RAB31: variants seen among roughly 807,000 people sequenced by gnomAD.
RAB31 encodes ras-related protein Rab-31.
In RAB31, 21 loss-of-function variants were observed where a neutral mutation model predicts 25.6. The ratio of observed to expected loss-of-function variants is 0.82; its 90% confidence interval spans 0.58 to 1.18. The LOEUF (loss-of-function observed/expected upper bound fraction) is 1.18. Ranked by LOEUF, RAB31 falls within the 50% of genes most tolerant of loss-of-function variation. The probability of loss-of-function intolerance (pLI) is 0.00; values close to 1 mark genes in which losing one functional copy is unlikely to be tolerated. For missense variants in RAB31, 196 were observed against 250.1 expected (o/e 0.78, Z 1.46); for synonymous variants, 87 against 84.0 (o/e 1.04, Z -0.20).
At chr18:9,763,600 T>TTATA (rs57545209) in intron 1 of RAB31, among the ~76,000 whole-genome samples, 5,375 of 141,536 alleles carry the variant, frequency 0.038, 112 homozygotes, top group Middle Eastern at 0.064. Context: ...AAGAAAAAAA[T>TTATA]TATATATATA....
Position 9,859,620 on chromosome 18 carries a change from G to A in RAB31, c.*295G>A. ...AAAAAAAAAACCTTTAAAAATTGTT[G>A]GATGTGTACAAAAGTCTTACTGCCT... On this transcript the variant is annotated 3_prime_UTR_variant, in exon 7 of 7. Transcript: ENST00000578921. 3.8e-6 allele frequency: 1 copy of A among 261,866 alleles called. No individual in the cohort carries two copies. The highest frequency in any genetic ancestry group is 7.2e-6 in the Non-Finnish European group (1 of 139,142). The allele number at this position is 261,866 out of a possible 1,614,324, so 16.2% of individuals were successfully genotyped here.
intron 1 of RAB31, among the ~76,000 whole-genome samples, chr18:9,724,666 C>T (rs558066492): frequency 3.3e-5 from 5 of 152,184 alleles, no homozygotes; most frequent in African/African-American, 9.7e-5. Flanking sequence ...CTGGAATGCA[C>T]GCCTTTCTTT....
chr18:9,747,579 CATT>C (rs1195091587), intron 1 of RAB31, among the ~76,000 whole-genome samples: 6 of 152,138 alleles, frequency 3.9e-5, no homozygotes, highest in African/African-American at 1.4e-4. Context: ...ACCTTGAAAA[CATT>C]ATACTAAATG....
At chr18:9,711,005 C>T (rs2068014296) in intron 1 of RAB31, among the ~76,000 whole-genome samples, 1 of 151,598 alleles carries the variant, frequency 6.6e-6, no homozygotes, top group Admixed American at 6.6e-5. Context: ...CCTTGTTGTC[C>T]ACACTGAGTA....
At chr18:9,796,032 A>G (rs2068485473) in intron 3 of RAB31, among the ~76,000 whole-genome samples, 1 of 152,248 alleles carries the variant, frequency 6.6e-6, no homozygotes. Context: ...TATATACACC[A>G]TACAATACTA....
chr18:9,853,058 AT>A (rs2068797128), intron 6 of RAB31, among the ~76,000 whole-genome samples: 1 of 152,086 alleles, frequency 6.6e-6, no homozygotes, highest in African/African-American at 2.4e-5. Context: ...AATTTTACCC[AT>A]TTTGTAATGG....
At chr18:9,751,176 C>T (rs1226761316) in intron 1 of RAB31, among the ~76,000 whole-genome samples, 2 of 151,952 alleles carry the variant, frequency 1.3e-5, no homozygotes, top group South Asian at 2.1e-4. Flanking sequence ...TGGGACTATA[C>T]GCATGCACCA....
chr18:9,730,649 A>G (rs1218034049), intron 1 of RAB31, among the ~76,000 whole-genome samples: 2 of 152,176 alleles, frequency 1.3e-5, no homozygotes, highest in East Asian at 1.9e-4. Context: ...CTGAAATGCT[A>G]TATGTAAATC....
chr18:9,780,111 G>A (rs1397648207), intron 2 of RAB31, among the ~76,000 whole-genome samples: 4 of 151,584 alleles, frequency 2.6e-5, no homozygotes. Flanking sequence ...TGGAGGTTGA[G>A]GCTGCAGTGA....
At position 9,814,001 on chromosome 18, in the gene RAB31, G is replaced by A. The variant is rs937794521; in HGVS notation, c.202-19G>A. 7.1e-6 allele frequency: 11 copies of A among 1,542,986 alleles called. No individual in the cohort carries two copies. Among genetic ancestry groups the A allele is most frequent in the Non-Finnish European group, 9.7e-6 (11 of 1,128,596 alleles). On this transcript the variant is annotated intron_variant, in intron 3 of 6. Transcript: ENST00000578921. ...AGTCTGTTCACTTTGGCCTAAAACT[G>A]TTCATTGTTCTTAAACAGTTTCATT...
intron 2 of RAB31, among the ~76,000 whole-genome samples, chr18:9,788,691 C>T (rs936269303): frequency 4.6e-5 from 7 of 152,208 alleles, no homozygotes; most frequent in African/African-American, 7.2e-5. Context: ...TGGAGGCTGG[C>T]GTGGTGGCTC....
intron 3 of RAB31, among the ~76,000 whole-genome samples, chr18:9,806,163 A>T (rs999534434): frequency 3.5e-5 from 5 of 144,062 alleles, no homozygotes; most frequent in Admixed American, 7.0e-5. Flanking sequence ...GGCAACACAG[A>T]GAGACTCCGT....
intron 1 of RAB31, among the ~76,000 whole-genome samples, chr18:9,760,748 G>T (rs2068284087): frequency 6.6e-6 from 1 of 152,160 alleles, no homozygotes; most frequent in Non-Finnish European, 1.5e-5. Flanking sequence ...AGTTCCCAAG[G>T]CCCCCGCTAA....
intron 3 of RAB31, among the ~76,000 whole-genome samples, chr18:9,813,097 C>A (rs1268243405): frequency 6.6e-6 from 1 of 152,192 alleles, no homozygotes; most frequent in Non-Finnish European, 1.5e-5. Flanking sequence ...AATGACCTCT[C>A]CTGTCTGGGG....
At chr18:9,857,034 T>TAAAA (rs1454930194) in intron 6 of RAB31, among the ~76,000 whole-genome samples, 1 of 152,162 alleles carries the variant, frequency 6.6e-6, no homozygotes. Flanking sequence ...AATTCATACT[T>TAAAA]ATGGTCTCCT....
intron 3 of RAB31, among the ~76,000 whole-genome samples, chr18:9,793,153 A>C (rs2068469831): frequency 6.6e-6 from 1 of 151,660 alleles, no homozygotes; most frequent in Non-Finnish European, 1.5e-5. Context: ...GGCTCACTGC[A>C]CCCTTGACCT....
intron 3 of RAB31, among the ~76,000 whole-genome samples, chr18:9,801,212 G>A (rs1273807178): frequency 6.6e-6 from 1 of 151,882 alleles, no homozygotes; most frequent in African/African-American, 2.4e-5. Context: ...TCAGTTGATG[G>A]ATATCCACTT....
At chr18:9,716,085 G>T (rs2068043096) in intron 1 of RAB31, among the ~76,000 whole-genome samples, 1 of 152,198 alleles carries the variant, frequency 6.6e-6, no homozygotes, top group Non-Finnish European at 1.5e-5. Context: ...AAAGGGTCCA[G>T]TTAGAGATCA....
intron 1 of RAB31, among the ~76,000 whole-genome samples, chr18:9,731,657 G>C (rs2068123524): frequency 6.9e-6 from 1 of 144,338 alleles, no homozygotes; most frequent in Non-Finnish European, 1.5e-5. Flanking sequence ...GAGTGCAGTG[G>C]TGTGATCTTG....
Sources: gnomAD v4.1 joint callset for allele counts (sites outside exome capture counted in the v4.1 genomes callset) on GRCh38, gnomAD v4.1.1 for gene constraint, MANE v1.5 for transcripts, NCBI Gene and HGNC (gene_info 2026-07-23, HGNC 2026-07-21) for gene names.